Variants in TENM4 observed in about 807,000 individuals in gnomAD.
The protein encoded by TENM4 is teneurin transmembrane protein 4, also known as teneurin-4.
TENM4 carries 82 observed loss-of-function variants against 243.3 expected under a neutral mutation model. That is an observed-to-expected ratio of 0.34 (90% CI 0.28 to 0.40). TENM4 has a LOEUF of 0.40. Among genes scored for constraint, TENM4 ranks in the 10% least tolerant of loss-of-function variants. The probability of loss-of-function intolerance (pLI) is 1.00; values close to 1 mark genes in which losing one functional copy is unlikely to be tolerated. For synonymous variants in TENM4, 1,412 were observed against 1,456.3 expected, an observed-to-expected ratio of 0.97 and a Z score of 0.69; for missense variants, 3,138 against 3,673.3, an observed-to-expected ratio of 0.85 and a Z score of 3.77.
intron 4 of TENM4, among the ~76,000 whole-genome samples, chr11:79,072,203 G>A (rs2137007254): frequency 6.6e-6 from 1 of 152,228 alleles, no homozygotes; most frequent in Non-Finnish European, 1.5e-5. Context: ...AACATATTAT[G>A]GCCAGGCATG....
intron 19 of TENM4, among the ~76,000 whole-genome samples, chr11:78,743,026 T>C (rs146992675): frequency 2.6e-5 from 4 of 152,310 alleles, no homozygotes; most frequent in East Asian, 3.9e-4. Flanking sequence ...TGGTATAAAA[T>C]AGAATTCAAC....
At chr11:78,962,027 C>G (rs1857338240) in intron 6 of TENM4, 1 of 152,462 alleles carries the variant, frequency 6.6e-6, no homozygotes, top group Non-Finnish European at 1.5e-5. Flanking sequence ...CCCAGCTCCC[C>G]CGGATCCCAC....
chr11:79,333,560 C>T (rs1291537082), intron 1 of TENM4, among the ~76,000 whole-genome samples: 1 of 152,176 alleles, frequency 6.6e-6, no homozygotes, highest in Non-Finnish European at 1.5e-5. Flanking sequence ...TCTCCTTTTA[C>T]TGACAGAGCC....
intron 1 of TENM4, among the ~76,000 whole-genome samples, chr11:79,318,037 G>C (rs189415803): frequency 3.9e-5 from 6 of 152,314 alleles, no homozygotes; most frequent in Admixed American, 1.3e-4. Context: ...GAGAAATTCA[G>C]TAAAATTCAG....
In TENM4 at chr11:78,764,729, G is replaced by A. The variant is rs535052847; in HGVS notation, c.2539+6263C>T. 6.0e-4 allele frequency among the ~76,000 whole-genome samples: 92 copies of A among 152,298 alleles called. 1 individual carries two copies. The highest frequency in any genetic ancestry group is 2.1e-3 in the African/African-American group (88 of 41,558). Reference sequence around the variant, plus strand: ...GCAGGACCTGTGTTAGGCACTGGATGCTCAGGAATAAAAGAGTCACGCCTC... The same window carrying A: ...GCAGGACCTGTGTTAGGCACTGGATACTCAGGAATAAAAGAGTCACGCCTC... On this transcript the variant is annotated intron_variant, in intron 18 of 33. Transcript: ENST00000278550.
chr11:78,705,175 C>T (rs1859214992), intron 27 of TENM4, among the ~76,000 whole-genome samples: 1 of 152,196 alleles, frequency 6.6e-6, no homozygotes, highest in Non-Finnish European at 1.5e-5. Context: ...TATTTTATGC[C>T]TTCTGGTCCT....
intron 1 of TENM4, among the ~76,000 whole-genome samples, chr11:79,337,216 G>T (rs1334066948): frequency 1.3e-5 from 2 of 152,192 alleles, no homozygotes; most frequent in Non-Finnish European, 2.9e-5. Context: ...CAAGGAATCG[G>T]CCTGCCAGAG....
Position 78,720,320 on chromosome 11 carries a change from C to T in TENM4, c.3821+50G>A, listed in dbSNP as rs1859615980. 5.0e-6 allele frequency: 8 copies of T among 1,603,130 alleles called. No individual in the cohort carries two copies. The East Asian group carries it at 1.8e-4, about 36-fold the overall frequency. On this transcript the variant is annotated intron_variant, in intron 25 of 33. Coordinates refer to ENST00000278550, the MANE Select transcript of TENM4 (RefSeq NM_001098816.3). ...TTGACATGTGCAGCTTACCATACAG[C>T]ATGCAACAAGGCAGGGGTGAGGCAG...
At chr11:79,254,811 A>C (rs774514577) in intron 2 of TENM4, among the ~76,000 whole-genome samples, 1 of 152,214 alleles carries the variant, frequency 6.6e-6, no homozygotes, top group Admixed American at 6.5e-5. Context: ...AGATAGTGTC[A>C]ATCACCCCAG....
chr11:78,924,751 A>G (rs1856518921), intron 6 of TENM4: 1 of 152,236 alleles, frequency 6.6e-6, no homozygotes, highest in Non-Finnish European at 1.5e-5. Context: ...TCCCAACTGT[A>G]AGAAAAAAAC....
Position 78,715,176 on chromosome 11 carries a change from T to C in TENM4, c.3822-2462A>G, listed in dbSNP as rs139468815. 5.9e-3 allele frequency among the ~76,000 whole-genome samples: 900 copies of C among 152,352 alleles called. 2 individuals are homozygous for C. Among genetic ancestry groups the C allele is most frequent in the Non-Finnish European group, 0.011 (734 of 68,036 alleles). On this transcript the variant is annotated intron_variant, in intron 25 of 33. Transcript: ENST00000278550. ...ATCCTGTCTATTTTGAAATGTCCCC[T>C]GAGACTTACCCTATAATGTAGCACA...
chr11:79,164,052 CTATGTATATATAGTGTATA>C (rs1565230715), intron 3 of TENM4, among the ~76,000 whole-genome samples: 1 of 18,030 alleles, frequency 5.5e-5, no homozygotes, highest in African/African-American at 1.8e-4. Flanking sequence ...ACTATAAATA[CTATGTATATATAGTGTATA>C]TATACACTAT....
chr11:78,765,280 T>A lies in TENM4; in HGVS notation c.2539+5712A>T, dbSNP rs368058775. ...TCAAAAGGCTTGCAAAGTCTTTATC[T>A]TCCCGTTAGAACACAAGATTTTTAA... On this transcript the variant is annotated intron_variant, in intron 18 of 33. Transcript: ENST00000278550. Among the ~76,000 whole-genome samples the A allele has an allele frequency of 5.3e-5, 8 of 152,222 alleles. No homozygotes were observed. The South Asian group carries it at 1.7e-3, about 31-fold the overall frequency.
intron 6 of TENM4, among the ~76,000 whole-genome samples, chr11:78,958,671 G>A (rs1260624757): frequency 6.6e-6 from 1 of 152,224 alleles, no homozygotes; most frequent in Non-Finnish European, 1.5e-5. Context: ...TGACACAGCT[G>A]TGGGCAGAGG....
At chr11:78,832,075 G>A (rs1273042527) in intron 12 of TENM4, among the ~76,000 whole-genome samples, 1 of 152,230 alleles carries the variant, frequency 6.6e-6, no homozygotes, top group African/African-American at 2.4e-5. Flanking sequence ...AGGTCTCACA[G>A]CTGGGTGGCT....
At chr11:79,178,506 G>A (rs963007091) in intron 3 of TENM4, among the ~76,000 whole-genome samples, 12 of 152,118 alleles carry the variant, frequency 7.9e-5, no homozygotes, top group African/African-American at 2.9e-4. Context: ...GTGTGGTGAG[G>A]CAGAACCAGG....
At chr11:79,343,562 A>G (rs1418828511) in intron 1 of TENM4, among the ~76,000 whole-genome samples, 6 of 152,196 alleles carry the variant, frequency 3.9e-5, no homozygotes, top group African/African-American at 1.2e-4. Flanking sequence ...TTGGGAATTC[A>G]GCTGATGCTT....
At chr11:78,990,939 G>A (rs592257) in intron 6 of TENM4, among the ~76,000 whole-genome samples, 40,292 of 152,140 alleles carry the variant, frequency 0.26, 6,877 homozygotes, top group Non-Finnish European at 0.38. Flanking sequence ...AAATACACAT[G>A]AGCAATAATG....
At chr11:78,978,600 G>A (rs1247408015) in intron 6 of TENM4, among the ~76,000 whole-genome samples, 1 of 152,016 alleles carries the variant, frequency 6.6e-6, no homozygotes, top group Non-Finnish European at 1.5e-5. Context: ...CGGACTAATG[G>A]CATTGTCAAA....
Sources: gnomAD v4.1 joint callset for allele counts (sites outside exome capture counted in the v4.1 genomes callset) on GRCh38, gnomAD v4.1.1 for gene constraint, MANE v1.5 for transcripts, NCBI Gene and HGNC (gene_info 2026-07-23, HGNC 2026-07-21) for gene names.